ZFHX3: variants seen among roughly 807,000 people sequenced by gnomAD.
ZFHX3 encodes zinc finger homeobox protein 3.
ZFHX3 carries 42 observed loss-of-function variants against 279.1 expected under a neutral mutation model. The ratio of observed to expected loss-of-function variants is 0.15; its 90% CI spans 0.12 to 0.19. The LOEUF (loss-of-function observed/expected upper bound fraction) is 0.19. Ranked by LOEUF, ZFHX3 falls within the 10% of genes least tolerant of loss-of-function variation. ZFHX3 has a pLI of 1.00. For missense variants in ZFHX3, 4,981 were observed against 4,754.0 expected, an observed-to-expected ratio of 1.05 and a Z score of -1.40; for synonymous variants, 2,293 against 1,957.8, an observed-to-expected ratio of 1.17 and a Z score of -4.52.
chr16:72,979,604 A>C (rs567922472), intron 1 of ZFHX3, among the ~76,000 whole-genome samples: 10 of 152,290 alleles, frequency 6.6e-5, no homozygotes, highest in African/African-American at 2.4e-4. Flanking sequence ...TGCCTCAACA[A>C]AGCAAAGAAT....
chr16:73,678,150 T>C (rs2052973383), intron 2 of ZFHX3, among the ~76,000 whole-genome samples: 1 of 152,146 alleles, frequency 6.6e-6, no homozygotes. Context: ...CAGGAAATTA[T>C]TTATATTAGC....
chr16:73,703,862 A>G (rs1200359833), intron 1 of ZFHX3, among the ~76,000 whole-genome samples: 1 of 152,136 alleles, frequency 6.6e-6, no homozygotes, highest in Non-Finnish European at 1.5e-5. Context: ...AGGCCTGCTG[A>G]GTTTGTTAAA....
At chr16:73,298,880 G>A (rs8063694) in intron 4 of ZFHX3, among the ~76,000 whole-genome samples, 84,710 of 152,042 alleles carry the variant, frequency 0.56, 24,307 homozygotes, top group Non-Finnish European at 0.62. Context: ...CAGAGCTGTG[G>A]ATACAGTCAG....
intron 8 of ZFHX3, among the ~76,000 whole-genome samples, chr16:73,083,901 A>T (rs534344378): frequency 2.4e-4 from 36 of 152,258 alleles, no homozygotes; most frequent in Admixed American, 1.8e-3. Flanking sequence ...TGGAAAGACC[A>T]CACAGCCCCA....
intron 7 of ZFHX3, among the ~76,000 whole-genome samples, chr16:73,095,783 G>A (rs1361061917): frequency 1.3e-5 from 2 of 152,114 alleles, no homozygotes; most frequent in African/African-American, 2.4e-5. Flanking sequence ...GATTGATACC[G>A]GGCAACTTAA....
At chr16:73,643,117 C>T (rs530836486) in intron 2 of ZFHX3, among the ~76,000 whole-genome samples, 1 of 152,174 alleles carries the variant, frequency 6.6e-6, no homozygotes, top group Non-Finnish European at 1.5e-5. Context: ...CCGTCAGCAC[C>T]TTGTGCAAAA....
intron 4 of ZFHX3, among the ~76,000 whole-genome samples, chr16:72,860,659 A>T (rs1055566024): frequency 3.3e-5 from 5 of 152,090 alleles, no homozygotes; most frequent in African/African-American, 7.2e-5. Context: ...TGAACTCCTG[A>T]CCTTAAGTGA....
At chr16:72,929,154 C>T (rs573067943) in intron 3 of ZFHX3, among the ~76,000 whole-genome samples, 1 of 151,556 alleles carries the variant, frequency 6.6e-6, no homozygotes, top group Non-Finnish European at 1.5e-5. Flanking sequence ...AGAAAAATTT[C>T]TTGAACCTGG....
intron 5 of ZFHX3, among the ~76,000 whole-genome samples, chr16:73,186,859 T>G (rs1403393553): frequency 6.6e-6 from 1 of 152,214 alleles, no homozygotes; most frequent in East Asian, 1.9e-4. Flanking sequence ...TAGCACTCCA[T>G]TCTCCATTCT....
Position 72,795,291 on chromosome 16 carries a change from G to C in ZFHX3, c.7391C>G (p.Thr2464Ser). The stretch of plus-strand genomic sequence containing the variant: ...GGGGAGCTTCTGCTGGGGAGTGTTG[G>C]TCTTCTGCTCGGGCTGCTCTTGCTG... Reference protein sequence around the residue: ...LQQQEQPEQKTNTPQQKLPQL... With the variant: ...LQQQEQPEQKSNTPQQKLPQL... Residue 2464 changes from threonine (T) to serine (S), a missense_variant, in exon 9 of 10, where the codon ACC becomes AGC. Physicochemically the swap from Thr to Ser is moderately conservative, Grantham distance 58. Around this residue, in one of 7 missense-constraint regions of ZFHX3, gnomAD observed 744 missense variants for 701.3 expected, o/e 1.06. Transcript: ENST00000268489. The C allele has an allele frequency of 6.2e-7, 1 of 1,613,892 alleles. No individual in the cohort carries two copies. Among genetic ancestry groups the C allele is most frequent in the Non-Finnish European group, 8.5e-7 (1 of 1,179,954 alleles).
In ZFHX3 at chr16:73,589,443, A is replaced by T. The variant is rs1381164717; in HGVS notation, c.-1547+90737T>A. ...AGAGCAAGACGCTCTTTCAAAAAAAAAAAAAAGGCTGGGCACGGTGGCTCA... is the reference window on the plus strand; with the variant it reads ...AGAGCAAGACGCTCTTTCAAAAAAATAAAAAAGGCTGGGCACGGTGGCTCA... On this transcript the variant is annotated intron_variant, in intron 2 of 17. Coordinates refer to the ZFHX3 transcript ENST00000641206. Among the ~76,000 whole-genome samples, 60 of 148,692 alleles carry T rather than the reference A, an allele frequency of 4.0e-4. 2 individuals carry two copies. In the South Asian group the frequency reaches 0.012, roughly 31 times the overall value.
At chr16:73,767,928 A>T (rs1391444662) in intron 1 of ZFHX3, among the ~76,000 whole-genome samples, 1 of 152,320 alleles carries the variant, frequency 6.6e-6, no homozygotes, top group South Asian at 2.1e-4. Flanking sequence ...GAGTTTAAGG[A>T]AACAAGACAG....
At chr16:73,861,979 C>G (rs958638156) in intron 1 of ZFHX3, among the ~76,000 whole-genome samples, 6 of 152,190 alleles carry the variant, frequency 3.9e-5, no homozygotes, top group African/African-American at 1.4e-4. Flanking sequence ...CTCCTTTCCA[C>G]ATTTTGAAAG....
chr16:73,496,262 G>A (rs759325391), intron 2 of ZFHX3, among the ~76,000 whole-genome samples: 2 of 152,240 alleles, frequency 1.3e-5, no homozygotes, highest in Non-Finnish European at 2.9e-5. Context: ...CGGGCGTGGC[G>A]GCTCACGCCT....
chr16:73,322,849 T>C (rs2143202276), intron 3 of ZFHX3, among the ~76,000 whole-genome samples: 1 of 152,278 alleles, frequency 6.6e-6, no homozygotes, highest in Non-Finnish European at 1.5e-5. Flanking sequence ...AGTTGGAAAA[T>C]AAAATGGTCT....
At chr16:73,579,237 C>T (rs1292752978) in intron 2 of ZFHX3, among the ~76,000 whole-genome samples, 2 of 152,122 alleles carry the variant, frequency 1.3e-5, no homozygotes, top group Admixed American at 1.3e-4. Flanking sequence ...GCTATCCTGC[C>T]TTTCCAGACC....
intron 5 of ZFHX3, among the ~76,000 whole-genome samples, chr16:72,816,355 C>T (rs1329216794): frequency 6.6e-6 from 1 of 152,152 alleles, no homozygotes; most frequent in Non-Finnish European, 1.5e-5. Flanking sequence ...ACATGTTGGG[C>T]TCCTGGGATT....
intron 1 of ZFHX3, among the ~76,000 whole-genome samples, chr16:73,705,511 A>T (rs536237735): frequency 3.9e-5 from 6 of 152,276 alleles, no homozygotes; most frequent in Non-Finnish European, 8.8e-5. Flanking sequence ...TACTGCCTTC[A>T]ATTCCTGAGT....
intron 4 of ZFHX3, among the ~76,000 whole-genome samples, chr16:73,258,827 C>G (rs1417246281): frequency 6.6e-6 from 1 of 152,136 alleles, no homozygotes; most frequent in Non-Finnish European, 1.5e-5. Context: ...TCAATTCTTT[C>G]TCTCTCACTT....
Sources: allele counts gnomAD v4.1 joint callset (sites outside exome capture counted in the v4.1 genomes callset), GRCh38; gene constraint gnomAD v4.1.1; regional missense constraint gnomAD v4.1.1; transcripts MANE v1.5; gene names NCBI Gene and HGNC (gene_info 2026-07-23, HGNC 2026-07-21).